AHI1: variants seen among roughly 807,000 people sequenced by gnomAD.
AHI1 encodes jouberin.
Under a neutral mutation model 149.3 loss-of-function variants are expected in AHI1, and 123 were observed. That is an observed-to-expected ratio of 0.82 (90% CI 0.71 to 0.96). AHI1 has a LOEUF of 0.96. Among genes scored for constraint, AHI1 ranks in the 40% least tolerant of loss-of-function variants. The probability of loss-of-function intolerance (pLI) is 0.00; values close to 1 mark genes in which losing one functional copy is unlikely to be tolerated. For synonymous variants in AHI1, 475 were observed against 459.8 expected (o/e 1.03, Z -0.42); for missense variants, 1,439 against 1,422.7 (o/e 1.01, Z -0.18).
At chr6:135,468,492 TC>T (rs1430747728) in intron 5 of AHI1, among the ~76,000 whole-genome samples, 1 of 151,982 alleles carries the variant, frequency 6.6e-6, no homozygotes, top group Non-Finnish European at 1.5e-5. Flanking sequence ...TCACATGAGG[TC>T]AGGAGTTCGA....
intron 15 of AHI1, among the ~76,000 whole-genome samples, chr6:135,433,509 A>G (rs1784952422): frequency 6.6e-6 from 1 of 152,176 alleles, no homozygotes; most frequent in Admixed American, 6.5e-5. Context: ...TCTATACTAT[A>G]AAATTAATAA....
chr6:135,366,999 A>T (rs1774283485), intron 23 of AHI1, among the ~76,000 whole-genome samples: 1 of 152,168 alleles, frequency 6.6e-6, no homozygotes, highest in Non-Finnish European at 1.5e-5. Flanking sequence ...CAGTTCAAAG[A>T]ATTTTTAAAT....
chr6:135,492,524 T>C (rs1439766937), intron 3 of AHI1: 2 of 1,133,946 alleles, frequency 1.8e-6, no homozygotes, highest in African/African-American at 1.6e-5. Flanking sequence ...AGTATTTATA[T>C]ATTTGAAACA....
rs537333451 is a variant in AHI1, at chr6:135,472,796, C to T, written c.136-5162G>A. Among the ~76,000 whole-genome samples the T allele has an allele frequency of 1.3e-4, 15 of 115,470 alleles. No homozygotes were observed. In the East Asian group the frequency reaches 3.3e-3, roughly 26 times the overall value. 75.8% of individuals were successfully genotyped at this position (115,470 alleles called of 152,430 possible). A position where few individuals can be genotyped will look rare whatever the true frequency, so the allele number is the denominator to read the frequency against. The stretch of plus-strand genomic sequence containing the variant: ...TATTTGCTATCTATAGCTGTCCTTT[C>T]GTTAAGTGTCCAAATCTTTTGCCCT... On this transcript the variant is annotated intron_variant, in intron 5 of 28. Coordinates refer to ENST00000265602, the MANE Select transcript of AHI1 (RefSeq NM_001134831.2).
chr6:135,288,786 A>G (rs1781988320), intron 28 of AHI1, among the ~76,000 whole-genome samples: 1 of 151,968 alleles, frequency 6.6e-6, no homozygotes, highest in Non-Finnish European at 1.5e-5. Context: ...CCTATAAGAG[A>G]TTCCTTGAAG....
At chr6:135,353,977 T>A (rs1792559060) in intron 24 of AHI1, among the ~76,000 whole-genome samples, 1 of 152,146 alleles carries the variant, frequency 6.6e-6, no homozygotes, top group African/African-American at 2.4e-5. Context: ...CCAATCAGGT[T>A]AGAATGCTTT....
chr6:135,480,067 C>CT (rs936018119), intron 5 of AHI1, among the ~76,000 whole-genome samples: 19 of 152,306 alleles, frequency 1.2e-4, no homozygotes, highest in Admixed American at 8.5e-4. Context: ...GACTAAATCT[C>CT]TTTTTTTCAT....
intron 23 of AHI1, among the ~76,000 whole-genome samples, chr6:135,372,025 A>G (rs1775137772): frequency 6.7e-6 from 1 of 149,440 alleles, no homozygotes; most frequent in Admixed American, 6.6e-5. Context: ...ATGAATCATA[A>G]TAACCCTAAA....
chr6:135,364,515 C>T (rs1418491039), intron 23 of AHI1, among the ~76,000 whole-genome samples: 43 of 148,598 alleles, frequency 2.9e-4, no homozygotes, highest in African/African-American at 1.0e-3. Context: ...GCTGCAATCT[C>T]AGCACTTTGG....
At chr6:135,442,069 T>C (rs1583250701) in intron 14 of AHI1, among the ~76,000 whole-genome samples, 1 of 152,148 alleles carries the variant, frequency 6.6e-6, no homozygotes, top group Non-Finnish European at 1.5e-5. Flanking sequence ...TAGAACAGTA[T>C]GATAATGCTC....
chr6:135,391,543 G>A (rs553850563), intron 23 of AHI1, among the ~76,000 whole-genome samples: 1 of 152,106 alleles, frequency 6.6e-6, no homozygotes, highest in East Asian at 1.9e-4. Flanking sequence ...CGTGTGGGTC[G>A]GGGGTCAGGA....
chr6:135,383,662 C>T (rs1295186406), intron 23 of AHI1, among the ~76,000 whole-genome samples: 3 of 151,870 alleles, frequency 2.0e-5, no homozygotes, highest in Non-Finnish European at 4.4e-5. Flanking sequence ...TATAGAAAAA[C>T]CTATTTTAAA....
Position 135,284,099 on chromosome 6 carries a change from A to C in AHI1, c.*1546T>G, listed in dbSNP as rs1781476308. The C allele has an allele frequency of 6.6e-6, 1 of 152,234 alleles. No individual in the cohort carries two copies. Among genetic ancestry groups the C allele is most frequent in the Admixed American group, 6.5e-5 (1 of 15,284 alleles). The allele number at this position is 152,234 out of a possible 1,614,324, so 9.4% of individuals were successfully genotyped here. ...GGCTGGGCCCAGCTGTACCTGACACACAGACTTATACATCCAGAACAATGA... is the reference window on the plus strand; with the variant it reads ...GGCTGGGCCCAGCTGTACCTGACACCCAGACTTATACATCCAGAACAATGA... On this transcript the variant is annotated 3_prime_UTR_variant, in exon 29 of 29. Coordinates refer to ENST00000265602, the MANE Select transcript of AHI1 (RefSeq NM_001134831.2).
At chr6:135,358,416 T>A (rs757520813) in intron 23 of AHI1, among the ~76,000 whole-genome samples, 18 of 152,194 alleles carry the variant, frequency 1.2e-4, no homozygotes, top group Non-Finnish European at 2.2e-4. Context: ...CCCATTCAAG[T>A]GATGTCTAGC....
rs1296676637 is a variant in AHI1, at chr6:135,485,748, GGT to G, written c.135+4873_135+4874del. The stretch of plus-strand genomic sequence containing the variant: ...TTGTTCACACAGGTTGATTCACATA[GGT>G]TTTCTAATATTTGCATTCAAACCAT... On this transcript the variant is annotated intron_variant, in intron 5 of 28. Coordinates refer to ENST00000265602, the MANE Select transcript of AHI1 (RefSeq NM_001134831.2). Among the ~76,000 whole-genome samples the G allele has an allele frequency of 6.6e-5, 10 of 152,058 alleles. No homozygotes were observed. In the East Asian group the frequency reaches 1.9e-3, roughly 29 times the overall value.
At chr6:135,481,059 A>G (rs1046074123) in intron 5 of AHI1, among the ~76,000 whole-genome samples, 2 of 152,156 alleles carry the variant, frequency 1.3e-5, no homozygotes, top group Non-Finnish European at 2.9e-5. Context: ...GCTGGATTAG[A>G]TCATCATAAC....
chr6:135,460,585 G>A (rs1789714740), intron 8 of AHI1, among the ~76,000 whole-genome samples: 1 of 152,150 alleles, frequency 6.6e-6, no homozygotes, highest in African/African-American at 2.4e-5. Flanking sequence ...GAATGGAGAA[G>A]CTCTTCTAAA....
At chr6:135,436,220 A>G (rs1785377645) in intron 15 of AHI1, among the ~76,000 whole-genome samples, 1 of 152,224 alleles carries the variant, frequency 6.6e-6, no homozygotes, top group African/African-American at 2.4e-5. Context: ...GATAAAACAT[A>G]TAGACGATCG....
intron 26 of AHI1, chr6:135,301,170 T>TTGATA (rs1297352301): frequency 1.0e-6 from 1 of 983,662 alleles, no homozygotes. Context: ...GAAATTGAGT[T>TTGATA]TGATATGATA....
Sources: gnomAD v4.1 joint callset for allele counts (sites outside exome capture counted in the v4.1 genomes callset) on GRCh38, gnomAD v4.1.1 for gene constraint, MANE v1.5 for transcripts, NCBI Gene and HGNC (gene_info 2026-07-23, HGNC 2026-07-21) for gene names.